TCF4: variants seen among roughly 807,000 people sequenced by gnomAD.
TCF4 encodes the protein SL3-3 enhancer factor 2.
In TCF4, 3 loss-of-function variants were observed where a neutral mutation model predicts 82.1. The ratio of observed to expected loss-of-function variants is 0.04; its 90% CI spans 0.02 to 0.09. TCF4 has a LOEUF of 0.09. Ranked by LOEUF, TCF4 falls within the 10% of genes least tolerant of loss-of-function variation. TCF4 has a pLI of 1.00. For missense variants in TCF4, 518 were observed against 852.7 expected (o/e 0.61, Z 4.89); for synonymous variants, 276 against 309.6 (o/e 0.89, Z 1.14).
At chr18:55,278,039 TTATG>T (rs2061801301) in intron 9 of TCF4, among the ~76,000 whole-genome samples, 1 of 152,172 alleles carries the variant, frequency 6.6e-6, no homozygotes, top group Admixed American at 6.5e-5. Context: ...ACGGGCTCTA[TTATG>T]CGTGGAACAA....
chr18:55,477,956 G>A lies in TCF4; in HGVS notation c.146-13819C>T, dbSNP rs117025447. On this transcript the variant is annotated intron_variant, in intron 3 of 19. Coordinates refer to ENST00000354452, the MANE Select transcript of TCF4 (RefSeq NM_001083962.2). ...TCAGAAAGAGATGAGCTGCTCTGAG[G>A]TACTGGTCTTACCAATTCAGTAAGT... Among the ~76,000 whole-genome samples the A allele has an allele frequency of 1.9e-3, 292 of 152,228 alleles. 3 individuals carry two copies. In the East Asian group the frequency reaches 0.044, roughly 23 times the overall value.
At chr18:55,470,710 T>A (rs2096156963) in intron 3 of TCF4, among the ~76,000 whole-genome samples, 2 of 152,216 alleles carry the variant, frequency 1.3e-5, no homozygotes, top group Non-Finnish European at 2.9e-5. Context: ...CCCAGGACCC[T>A]AGAGTTTTAT....
At chr18:55,394,724 C>T (rs1487712212) in intron 6 of TCF4, among the ~76,000 whole-genome samples, 1 of 152,170 alleles carries the variant, frequency 6.6e-6, no homozygotes, top group African/African-American at 2.4e-5. Flanking sequence ...CTGTTTTCTC[C>T]TCCCTATGAA....
chr18:55,238,124 C>T (rs1186207454), intron 15 of TCF4, among the ~76,000 whole-genome samples: 6 of 152,218 alleles, frequency 3.9e-5, no homozygotes, highest in African/African-American at 1.4e-4. Flanking sequence ...GAGATTCCCA[C>T]AAGTCAATTC....
intron 3 of TCF4, among the ~76,000 whole-genome samples, chr18:55,496,741 A>C (rs1005905804): frequency 2.6e-5 from 4 of 152,116 alleles, no homozygotes; most frequent in African/African-American, 9.7e-5. Context: ...ATAGTAACCC[A>C]GTTATATAGT....
At chr18:55,358,359 T>C (rs1370076315) in intron 6 of TCF4, among the ~76,000 whole-genome samples, 1 of 152,170 alleles carries the variant, frequency 6.6e-6, no homozygotes, top group Non-Finnish European at 1.5e-5. Flanking sequence ...TAGGTAGTAA[T>C]AGTAGTATGA....
intron 8 of TCF4, among the ~76,000 whole-genome samples, chr18:55,316,963 A>G (rs1175552636): frequency 6.6e-6 from 1 of 152,090 alleles, no homozygotes; most frequent in African/African-American, 2.4e-5. Flanking sequence ...CTGAGAAATT[A>G]GCCTCACAGA....
Position 55,226,180 on chromosome 18 carries a change from C to T in TCF4, c.*1855G>A, listed in dbSNP as rs753580131. 3 of 152,388 alleles carry T rather than the reference C, an allele frequency of 2.0e-5. No individual in the cohort carries two copies. Among genetic ancestry groups the T allele is most frequent in the Non-Finnish European group, 4.4e-5 (3 of 67,954 alleles). 9.4% of individuals were successfully genotyped at this position (152,388 alleles called of 1,614,324 possible). ...ATGTATTTCATTACTATATAACTGG[C>T]AAAACAGGAGAACAGATGGAACATT... is the stretch of plus-strand genomic sequence containing the variant. On this transcript the variant is annotated 3_prime_UTR_variant, in exon 20 of 20. Coordinates refer to ENST00000354452, the MANE Select transcript of TCF4 (RefSeq NM_001083962.2).
chr18:55,338,479 T>C (rs2079119193), intron 8 of TCF4, among the ~76,000 whole-genome samples: 1 of 152,214 alleles, frequency 6.6e-6, no homozygotes, highest in Non-Finnish European at 1.5e-5. Context: ...ACTGGAAATA[T>C]TAACTCAGAT....
At chr18:55,460,983 T>C (rs1249078964) in intron 5 of TCF4, 36 bp downstream of exon 5, 1 of 1,583,760 alleles carries the variant, frequency 6.3e-7, no homozygotes, top group Admixed American at 1.7e-5. Context: ...AACTTGAGCA[T>C]TCAAAAAGTG....
chr18:55,558,787 C>A (rs1281542220), intron 3 of TCF4, among the ~76,000 whole-genome samples: 2 of 151,988 alleles, frequency 1.3e-5, no homozygotes, highest in Non-Finnish European at 2.9e-5. Context: ...TTATTTAGGT[C>A]ACTCTCCAAT....
At chr18:55,500,553 CT>C (rs2096686749) in intron 3 of TCF4, among the ~76,000 whole-genome samples, 1 of 152,160 alleles carries the variant, frequency 6.6e-6, no homozygotes, top group Non-Finnish European at 1.5e-5. Context: ...GGATGATTTT[CT>C]GTCTGAATAT....
intron 16 of TCF4, among the ~76,000 whole-genome samples, chr18:55,233,893 G>C (rs994425295): frequency 1.3e-5 from 2 of 150,134 alleles, no homozygotes; most frequent in Non-Finnish European, 3.0e-5. Context: ...ACATATAATT[G>C]ACACTCAGAT....
intron 5 of TCF4, among the ~76,000 whole-genome samples, chr18:55,434,872 A>T (rs2095296433): frequency 6.6e-6 from 1 of 151,454 alleles, no homozygotes; most frequent in Non-Finnish European, 1.5e-5. Flanking sequence ...TATAATGTGT[A>T]ATAATCATAT....
intron 6 of TCF4, among the ~76,000 whole-genome samples, chr18:55,360,248 T>C (rs755589069): frequency 6.6e-6 from 1 of 152,208 alleles, no homozygotes; most frequent in African/African-American, 2.4e-5. Context: ...GCACTTGGAA[T>C]CTACCTTCTT....
chr18:55,470,656 T>C (rs2096155185), intron 3 of TCF4, among the ~76,000 whole-genome samples: 1 of 152,192 alleles, frequency 6.6e-6, no homozygotes. Context: ...CGTAGAGCTG[T>C]GTAGTTGTCC....
At chr18:55,422,148 A>C (rs8088816) in intron 5 of TCF4, 27,206 of 820,198 alleles carry the variant, frequency 0.033, 203 homozygotes, top group Middle Eastern at 0.036. Flanking sequence ...AAAAAAAAAA[A>C]CCCACCCTGA....
chr18:55,306,517 T>C (rs2070392524), intron 8 of TCF4, among the ~76,000 whole-genome samples: 1 of 152,226 alleles, frequency 6.6e-6, no homozygotes, highest in African/African-American at 2.4e-5. Flanking sequence ...CTGTATCACT[T>C]TGAGTAATAA....
intron 9 of TCF4, among the ~76,000 whole-genome samples, chr18:55,277,202 A>T (rs146284093): frequency 7.9e-5 from 12 of 152,322 alleles, no homozygotes; most frequent in African/African-American, 2.9e-4. Flanking sequence ...TGTGGCCATC[A>T]TGTGAAAACA....
Sources: allele counts gnomAD v4.1 joint callset (sites outside exome capture counted in the v4.1 genomes callset), GRCh38; gene constraint gnomAD v4.1.1; transcripts MANE v1.5; gene names NCBI Gene and HGNC (gene_info 2026-07-23, HGNC 2026-07-21).